The following KAT6B variants were observed in gnomAD, a reference collection of about 807,000 sequenced individuals.
The protein encoded by KAT6B is histone acetyltransferase KAT6B.
In KAT6B, 10 loss-of-function variants were observed where a neutral mutation model predicts 187.5. That is an observed-to-expected ratio of 0.05 (90% CI 0.03 to 0.09). The LOEUF (loss-of-function observed/expected upper bound fraction) is 0.09, where lower values mean the gene tolerates loss of function less well. Among genes scored for constraint, KAT6B ranks in the 10% least tolerant of loss-of-function variants. KAT6B has a pLI of 1.00. For missense variants in KAT6B, 1,952 were observed against 2,558.9 expected, an observed-to-expected ratio of 0.76 and a Z score of 5.12; for synonymous variants, 861 against 926.8, an observed-to-expected ratio of 0.93 and a Z score of 1.29.
At chr10:74,835,213 G>T (rs1266120096) in intron 1 of KAT6B, among the ~76,000 whole-genome samples, 1 of 152,166 alleles carries the variant, frequency 6.6e-6, no homozygotes, top group Non-Finnish European at 1.5e-5. Context: ...GGCCATGAAG[G>T]ATTTGAATTT....
intron 13 of KAT6B, among the ~76,000 whole-genome samples, chr10:75,016,793 T>C (rs748556556): frequency 2.0e-5 from 3 of 152,136 alleles, no homozygotes; most frequent in African/African-American, 7.2e-5. Flanking sequence ...GGGAATCTAT[T>C]CACCAGGGGT....
At chr10:74,889,074 A>G (rs1307067244) in intron 3 of KAT6B, among the ~76,000 whole-genome samples, 1 of 152,170 alleles carries the variant, frequency 6.6e-6, no homozygotes, top group Admixed American at 6.5e-5. Flanking sequence ...ACAAGTGATA[A>G]GATCTTAGAT....
intron 4 of KAT6B, among the ~76,000 whole-genome samples, chr10:74,968,745 TTA>T (rs1841651704): frequency 6.6e-6 from 1 of 152,148 alleles, no homozygotes; most frequent in Admixed American, 6.5e-5. Context: ...CTCTTCGGGT[TTA>T]TGTGATAAAA....
intron 7 of KAT6B, 137 bp from the exon 8 acceptor site, chr10:74,975,262 A>T: frequency 2.5e-5 from 18 of 720,810 alleles, no homozygotes. Context: ...AGAAACATCT[A>T]GGTGGTGGCA....
intron 11 of KAT6B, 143 bp from the exon 12 acceptor site, chr10:74,984,937 A>C: frequency 1.3e-6 from 1 of 757,698 alleles, no homozygotes; most frequent in Admixed American, 2.2e-5. Flanking sequence ...TTAAAGCTGT[A>C]CTTGCTTAAT....
At chr10:74,965,293 T>A (rs1432109949) in intron 4 of KAT6B, among the ~76,000 whole-genome samples, 7 of 152,248 alleles carry the variant, frequency 4.6e-5, no homozygotes. Context: ...ATTCATCTTT[T>A]GGGTCTCTTT....
chr10:74,980,842 C>T (rs1217544049), intron 10 of KAT6B, among the ~76,000 whole-genome samples: 3 of 152,166 alleles, frequency 2.0e-5, no homozygotes, highest in African/African-American at 4.8e-5. Flanking sequence ...TGGTAGAAAA[C>T]AAATTAGGTC....
intron 3 of KAT6B, among the ~76,000 whole-genome samples, chr10:74,952,936 G>A (rs1840425713): frequency 6.8e-6 from 1 of 147,794 alleles, no homozygotes; most frequent in Non-Finnish European, 1.5e-5. Context: ...CTGACCTCAG[G>A]TGATCTGCCC....
intron 13 of KAT6B, among the ~76,000 whole-genome samples, chr10:74,993,867 A>G (rs1216616446): frequency 6.6e-6 from 1 of 152,172 alleles, no homozygotes; most frequent in Non-Finnish European, 1.5e-5. Context: ...AAGTGACCGT[A>G]TGTCCTTCCC....
Position 75,030,588 on chromosome 10 carries a change from C to T in KAT6B, c.5764C>T (p.His1922Tyr). The T allele has an allele frequency of 6.2e-7, 1 of 1,611,004 alleles. No individual in the cohort carries two copies. Among genetic ancestry groups the T allele is most frequent in the Non-Finnish European group, 8.5e-7 (1 of 1,177,338 alleles). Residue 1922 changes from histidine (H) to tyrosine (Y), a missense_variant, in exon 18 of 18, where the codon CAC becomes TAC. Around this residue, in one of 9 missense-constraint regions of KAT6B, gnomAD observed 358 missense variants for 436.3 expected, o/e 0.82. Coordinates refer to ENST00000287239, the MANE Select transcript of KAT6B (RefSeq NM_012330.4). The surrounding 1 kb of genome is among the most constrained non-coding windows in gnomAD (Gnocchi z 4.8). Reference protein sequence around the residue: ...RLQTQIASKGHISMRTKSASL... With the variant: ...RLQTQIASKGYISMRTKSASL... ...GCAAACCCAGATTGCCAGCAAGGGCCACATCTCCATGAGAACCAAGTCAGC... is the reference window on the plus strand; with the variant it reads ...GCAAACCCAGATTGCCAGCAAGGGCTACATCTCCATGAGAACCAAGTCAGC...
Position 75,029,484 on chromosome 10 carries a change from G to A in KAT6B, c.4660G>A (p.Glu1554Lys), listed in dbSNP as rs761295315. 16 of 1,613,994 alleles carry A rather than the reference G, an allele frequency of 9.9e-6. No homozygotes were observed. The highest frequency in any genetic ancestry group is 4.4e-5 in the South Asian group (4 of 91,072). Residue 1554 changes from glutamate (E) to lysine (K), a missense_variant, in exon 18 of 18, where the codon GAA becomes AAA. Physicochemically the swap from Glu to Lys is moderately conservative, Grantham distance 56 (BLOSUM62 1). Around this residue, in one of 9 missense-constraint regions of KAT6B, gnomAD observed 758 missense variants for 891.4 expected, o/e 0.85. Coordinates refer to ENST00000287239, the MANE Select transcript of KAT6B (RefSeq NM_012330.4). The surrounding 1 kb of genome is among the most constrained non-coding windows in gnomAD (Gnocchi z 6.2). ...TCAGTCTTTGACCCAGGAGAGCAGC[G>A]AACAGGACGACACCTTTCAGGATTG... ...AVQSLTQESS[E>K]QDDTFQDCAE...
At position 74,975,849 on chromosome 10, in the gene KAT6B, C is replaced by A. The variant is rs769903041; in HGVS notation, c.1512C>A (p.Ser504Arg). 1.2e-4 allele frequency: 188 copies of A among 1,614,004 alleles called. No homozygotes were observed. In the Middle Eastern group the frequency reaches 1.6e-3, roughly 14 times the overall value. The change falls in exon 8 of 18, where the codon AGC becomes AGA. Residue 504 changes from serine (S) to arginine (R), a missense_variant. Ser to Arg is a moderately radical substitution (Grantham distance 110). Transcript: ENST00000287239. ...LPPPTPISGQ[S>R]PSSQKSSTAT... Reference sequence around the variant, plus strand: ...CCCCAACCCCCATCTCCGGTCAGAGCCCCAGTTCACAAAAGTCCAGCACGG... The same window carrying A: ...CCCCAACCCCCATCTCCGGTCAGAGACCCAGTTCACAAAAGTCCAGCACGG...
upstream of KAT6B, among the ~76,000 whole-genome samples, chr10:74,825,933 A>G (rs1840169085): frequency 8.5e-6 from 1 of 117,138 alleles, no homozygotes. This position sits in a 1 kb window ranked among gnomAD's most constrained non-coding sequence, Gnocchi z 5.0. Flanking sequence ...GGGACGGGAG[A>G]GAGGGTGGAG....
chr10:74,919,383 T>C (rs1213564763), intron 3 of KAT6B, among the ~76,000 whole-genome samples: 1 of 152,074 alleles, frequency 6.6e-6, no homozygotes, highest in African/African-American at 2.4e-5. Flanking sequence ...TCACATACTG[T>C]TTGTGCTTCA....
At chr10:74,885,247 A>AAAT (rs1031288328) in intron 3 of KAT6B, among the ~76,000 whole-genome samples, 2 of 151,788 alleles carry the variant, frequency 1.3e-5, no homozygotes, top group Non-Finnish European at 2.9e-5. Flanking sequence ...AAAAAAAAAA[A>AAAT]ATTTTGTAGA....
intron 3 of KAT6B, among the ~76,000 whole-genome samples, chr10:74,921,515 C>T (rs1179318547): frequency 2.0e-5 from 3 of 152,170 alleles, no homozygotes; most frequent in Admixed American, 6.5e-5. Context: ...TTGTTCTAAC[C>T]ACTGAGTAAG....
At chr10:75,022,391 A>G (rs1845499307) in intron 16 of KAT6B, among the ~76,000 whole-genome samples, 160 bp downstream of exon 16, 1 of 152,190 alleles carries the variant, frequency 6.6e-6, no homozygotes, top group Admixed American at 6.5e-5. Flanking sequence ...TTTATCTCAC[A>G]GTCATGATTA....
Position 74,884,076 on chromosome 10 carries a change from C to G in KAT6B, c.621+40598C>G, listed in dbSNP as rs78958384. On this transcript the variant is annotated intron_variant, in intron 3 of 17. Transcript: ENST00000287239. ...AAAGACACAGCCTACTTAGACAGTT[C>G]CTTTATTCCAACATATATACTCACT... is the stretch of plus-strand genomic sequence containing the variant. Among the ~76,000 whole-genome samples the G allele has an allele frequency of 3.0e-4, 45 of 152,316 alleles. No homozygotes were observed. In the East Asian group the frequency reaches 7.7e-3, roughly 26 times the overall value.
intron 10 of KAT6B, among the ~76,000 whole-genome samples, chr10:74,980,849 G>A (rs1279639469): frequency 6.6e-6 from 1 of 152,170 alleles, no homozygotes; most frequent in Non-Finnish European, 1.5e-5. Context: ...AAACAAATTA[G>A]GTCTTTTGAT....
Sources: allele counts gnomAD v4.1 joint callset (sites outside exome capture counted in the v4.1 genomes callset), GRCh38; gene constraint gnomAD v4.1.1; regional missense constraint gnomAD v4.1.1; non-coding constraint Gnocchi (gnomAD v3.1); transcripts MANE v1.5; gene names NCBI Gene and HGNC (gene_info 2026-07-23, HGNC 2026-07-21).